Variants in MT1A observed in about 807,000 individuals in gnomAD.
MT1A encodes metallothionein 1A.
A neutral mutation model predicts 5.5 loss-of-function variants in MT1A; 6 were observed. The observed-to-expected ratio is 1.09, with a 90% CI of 0.60 to 2.16. The LOEUF is 2.16. Among genes scored for constraint, MT1A ranks in the 30% most tolerant of loss-of-function variants. MT1A has a pLI of 0.00. For missense variants in MT1A, 69 were observed against 73.4 expected (o/e 0.94, Z 0.22); for synonymous variants, 23 against 24.8 (o/e 0.93, Z 0.21).
intron 1 of MT1A, 105 bp downstream of exon 1, chr16:56,638,871 A>G: frequency 7.5e-7 from 1 of 1,340,022 alleles, no homozygotes; most frequent in Non-Finnish European, 1.1e-6. Flanking sequence ...AAGTGGAGTC[A>G]TTTATTTCAT....
chr16:56,639,866 C>G lies in MT1A; in HGVS notation c.102C>G (p.Cys34Trp). ...CKCTSCKKSC[C>W]SCCPMSCAKC... ...CTCTCCCTTCTTCCCCAGGCTGCTG[C>G]TCCTGCTGCCCCATGAGCTGTGCCA... is the stretch of plus-strand genomic sequence containing the variant. The change falls in exon 3 of 3, where the codon TGC (cysteine) becomes TGG (tryptophan). Residue 34 changes from cysteine (C) to tryptophan (W), a missense_variant. Physicochemically the swap from Cys to Trp is radical, Grantham distance 215. Transcript: ENST00000290705. 1 of 1,614,204 alleles carries G rather than the reference C, an allele frequency of 6.2e-7. No individual in the cohort carries two copies. The highest frequency in any genetic ancestry group is 8.5e-7 in the Non-Finnish European group (1 of 1,180,026).
At chr16:56,639,397 C>CA in intron 2 of MT1A, 68 bp downstream of exon 2, 1 of 1,518,546 alleles carries the variant, frequency 6.6e-7, no homozygotes, top group Non-Finnish European at 9.1e-7. Flanking sequence ...CAGAGCTGGG[C>CA]ATGGAGGAGT....
rs1408159609 is a variant in MT1A at position 56,640,036 on chromosome 16, C to G, written c.*86C>G. On this transcript the variant is annotated 3_prime_UTR_variant, in exon 3 of 3. Coordinates refer to ENST00000290705, the MANE Select transcript of MT1A (RefSeq NM_005946.3). ...TTTCCATACAACCCTGACCCATTTACTGTATTTTTTTTAATGAAATATGTG... is the reference window on the plus strand; with the variant it reads ...TTTCCATACAACCCTGACCCATTTAGTGTATTTTTTTTAATGAAATATGTG... 3 of 1,504,114 alleles carry G rather than the reference C, an allele frequency of 2.0e-6. No individual in the cohort carries two copies. The highest frequency in any genetic ancestry group is 1.8e-6 in the Non-Finnish European group (2 of 1,113,944). 93.2% of individuals were successfully genotyped at this position (1,504,114 alleles called of 1,614,324 possible). A position where few individuals can be genotyped will look rare whatever the true frequency, so the allele number is the denominator to read the frequency against.
chr16:56,639,900 C>T lies in MT1A; in HGVS notation c.136C>T (p.Gln46Ter). Residue 46 changes from glutamine (Q) to a stop codon, truncating the protein, a stop_gained, in exon 3 of 3, where the codon CAG (glutamine) becomes TAG (stop). Transcript: ENST00000290705. LOFTEE classifies it high-confidence loss of function. ...CCCCATGAGCTGTGCCAAGTGTGCC[C>T]AGGGCTGCATCTGCAAAGGGGCATC... ...CCPMSCAKCA[Q>*]GCICKGASEK... The T allele has an allele frequency of 6.2e-7, 1 of 1,614,192 alleles. No individual in the cohort carries two copies. The highest frequency in any genetic ancestry group is 1.3e-5 in the African/African-American group (1 of 75,052).
rs377750968 is a variant in MT1A, at chr16:56,639,943, G to A, written c.179G>A (p.Cys60Tyr). 3 of 1,614,120 alleles carry A rather than the reference G, an allele frequency of 1.9e-6. No individual in the cohort carries two copies. The highest frequency in any genetic ancestry group is 1.3e-5 in the African/African-American group (1 of 74,944). Residue 60 changes from cysteine to tyrosine, a missense_variant, in exon 3 of 3, where the codon TGT becomes TAT. Coordinates refer to ENST00000290705, the MANE Select transcript of MT1A (RefSeq NM_005946.3). ...GGGGCATCAGAGAAGTGCAGCTGCT[G>A]TGCCTGATGTCCGGACAGCCCTGCT... Reference protein sequence around the residue: ...CKGASEKCSCCA With the variant: ...CKGASEKCSCYA
Position 56,639,885 on chromosome 16 carries a change from T to G in MT1A, c.121T>G (p.Cys41Gly). ...KSCCSCCPMS[C>G]AKCAQGCICK... ...CTGCTGCTCCTGCTGCCCCATGAGC[T>G]GTGCCAAGTGTGCCCAGGGCTGCAT... The change falls in exon 3 of 3, where the codon TGT becomes GGT. Residue 41 changes from cysteine to glycine, a missense_variant. By Grantham distance (159) the Cys-to-Gly change is radical. Coordinates refer to ENST00000290705, the MANE Select transcript of MT1A (RefSeq NM_005946.3). 6.2e-7 allele frequency: 1 copy of G among 1,614,190 alleles called. No individual in the cohort carries two copies. Among genetic ancestry groups the G allele is most frequent in the Non-Finnish European group, 8.5e-7 (1 of 1,180,026 alleles).
chr16:56,638,903 A>C, intron 1 of MT1A, 137 bp downstream of exon 1: 4 of 1,079,298 alleles, frequency 3.7e-6, no homozygotes, highest in East Asian at 2.4e-5. Context: ...TTTTCCACTC[A>C]GCGCCTTCAT....
chr16:56,639,907 G>A lies in MT1A; in HGVS notation c.143G>A (p.Cys48Tyr), dbSNP rs1276696374. The change falls in exon 3 of 3, where the codon TGC becomes TAC. Residue 48 changes from cysteine to tyrosine, a missense_variant. Cys to Tyr is a radical substitution (Grantham distance 194, BLOSUM62 -2). Transcript: ENST00000290705. ...PMSCAKCAQG[C>Y]ICKGASEKCS... is the part of the protein sequence containing the mutation. ...AGCTGTGCCAAGTGTGCCCAGGGCT[G>A]CATCTGCAAAGGGGCATCAGAGAAG... 6.2e-7 allele frequency: 1 copy of A among 1,614,200 alleles called. No individual in the cohort carries two copies. Among genetic ancestry groups the A allele is most frequent in the Non-Finnish European group, 8.5e-7 (1 of 1,180,040 alleles).
Position 56,640,071 on chromosome 16 carries a change from A to T in MT1A, c.*121A>T, listed in dbSNP as rs1178110242. On this transcript the variant is annotated 3_prime_UTR_variant, in exon 3 of 3. Transcript: ENST00000290705. Reference sequence around the variant, plus strand: ...TTTAATGAAATATGTGAATGATAATAAAAGTTGCTGACTTAATGCTGGCTC... The same window carrying T: ...TTTAATGAAATATGTGAATGATAATTAAAGTTGCTGACTTAATGCTGGCTC... 7.5e-7 allele frequency: 1 copy of T among 1,335,972 alleles called. No homozygotes were observed. The highest frequency in any genetic ancestry group is 1.0e-6 in the Non-Finnish European group (1 of 994,462). 82.8% of individuals were successfully genotyped at this position (1,335,972 alleles called of 1,614,324 possible). A position where few individuals can be genotyped will look rare whatever the true frequency, so the allele number is the denominator to read the frequency against.
Position 56,638,763 on chromosome 16 carries a change from A to G in MT1A, c.25A>G (p.Thr9Ala). The change falls in exon 1 of 3, where the codon ACT becomes GCT. Residue 9 changes from threonine to alanine, a missense_variant. Transcript: ENST00000290705. MDPNCSCA[T>A]GGSCTCTGSC... is the part of the protein sequence containing the mutation. ...AATGGACCCCAACTGCTCCTGCGCC[A>G]CTGGTAAGGGATGCTAGGTTTCTGG... 5 of 1,614,094 alleles carry G rather than the reference A, an allele frequency of 3.1e-6. No homozygotes were observed. The highest frequency in any genetic ancestry group is 4.2e-6 in the Non-Finnish European group (5 of 1,179,988).
chr16:56,639,768 GC>G, intron 2 of MT1A, 90 bp from the exon 3 acceptor site: 1 of 1,536,822 alleles, frequency 6.5e-7, no homozygotes, highest in Non-Finnish European at 9.0e-7. Context: ...GTCCTCTGGG[GC>G]TGGGGACAGA....
rs1404562209 is a variant in MT1A at position 56,639,286 on chromosome 16, C to G, written c.51C>G (p.Gly17=). 1.9e-6 allele frequency: 3 copies of G among 1,612,164 alleles called. 1 individual carries two copies. The South Asian group carries it at 3.3e-5, about 18-fold the overall frequency. Residue 17 remains glycine, a synonymous_variant, in exon 2 of 3, where the codon GGC becomes GGG. Transcript: ENST00000290705. The stretch of plus-strand genomic sequence containing the variant: ...CAGGTGGCTCCTGCACCTGCACTGG[C>G]TCCTGCAAATGCAAAGAGTGCAAAT... ...CATGGSCTCT[G]SCKCKECKCT... is the part of the protein sequence containing the mutation.
intron 1 of MT1A, among the ~76,000 whole-genome samples, chr16:56,638,995 A>T (rs1960411380): frequency 6.6e-6 from 1 of 151,948 alleles, no homozygotes; most frequent in Non-Finnish European, 1.5e-5. Context: ...GCTCCATGTC[A>T]CCCAGGTAGT....
At chr16:56,639,133 A>T in intron 1 of MT1A, 131 bp from the exon 2 acceptor site, 1 of 1,087,968 alleles carries the variant, frequency 9.2e-7, no homozygotes, top group Non-Finnish European at 1.4e-6. Flanking sequence ...AAGTAAGATT[A>T]GGCTTCATGG....
At chr16:56,639,467 G>T in intron 2 of MT1A, 138 bp downstream of exon 2, 1 of 1,139,190 alleles carries the variant, frequency 8.8e-7, no homozygotes, top group Non-Finnish European at 1.3e-6. Context: ...ATCAGAGCCA[G>T]ATCTTTAGAC....
chr16:56,639,817 G>T (rs550212339), intron 2 of MT1A, 42 bp from the exon 3 acceptor site: 1 of 1,612,896 alleles, frequency 6.2e-7, no homozygotes, highest in Non-Finnish European at 8.5e-7. Context: ...GGAAGTCCCC[G>T]GTCAAGTCTG....
chr16:56,639,180 G>C (rs1434524981), intron 1 of MT1A, 84 bp from the exon 2 acceptor site: 1 of 1,477,764 alleles, frequency 6.8e-7, no homozygotes, highest in African/African-American at 1.4e-5. Flanking sequence ...ATCAGGCCTG[G>C]CAATGCACTC....
Position 56,639,855 on chromosome 16 carries a change from C to G in MT1A, c.95-4C>G, listed in dbSNP as rs769153265. ...CTGACCTCTCACTCTCCCTTCTTCC[C>G]CAGGCTGCTGCTCCTGCTGCCCCAT... On this transcript the variant is annotated splice_polypyrimidine_tract_variant and splice_region_variant and intron_variant, in intron 2 of 2. Coordinates refer to ENST00000290705, the MANE Select transcript of MT1A (RefSeq NM_005946.3). 15 of 1,614,132 alleles carry G rather than the reference C, an allele frequency of 9.3e-6. No homozygotes were observed. The highest frequency in any genetic ancestry group is 1.3e-5 in the Non-Finnish European group (15 of 1,180,002).
chr16:56,639,156 G>A lies in MT1A; in HGVS notation c.29-108G>A, dbSNP rs142133858. On this transcript the variant is annotated intron_variant, in intron 1 of 2. Transcript: ENST00000290705. ...TTAGGCTTCATGGTGCCCTGAGTTGGACAGGAGCTATCTATCAGGCCTGGC... is the reference window on the plus strand; with the variant it reads ...TTAGGCTTCATGGTGCCCTGAGTTGAACAGGAGCTATCTATCAGGCCTGGC... 1.1e-4 allele frequency: 140 copies of A among 1,292,474 alleles called. 1 individual carries two copies. In the African/African-American group the frequency reaches 1.8e-3, roughly 16 times the overall value. The allele number at this position is 1,292,474 out of a possible 1,614,324, so 80.1% of individuals were successfully genotyped here. A position where few individuals can be genotyped will look rare whatever the true frequency, so the allele number is the denominator to read the frequency against.
Sources: gnomAD v4.1 joint callset for allele counts (sites outside exome capture counted in the v4.1 genomes callset) on GRCh38, gnomAD v4.1.1 for gene constraint, MANE v1.5 for transcripts, NCBI Gene and HGNC (gene_info 2026-07-23, HGNC 2026-07-21) for gene names.